The following CUL3 variants were observed in gnomAD, a reference collection of about 807,000 sequenced individuals.
CUL3 encodes the protein cullin 3.
CUL3 carries 19 observed loss-of-function variants against 89.1 expected under a neutral mutation model. The observed-to-expected ratio is 0.21, with a 90% CI of 0.15 to 0.31. The LOEUF is 0.31. Among genes scored for constraint, CUL3 ranks in the 10% least tolerant of loss-of-function variants. CUL3 has a pLI of 1.00. For synonymous variants in CUL3, 351 were observed against 308.4 expected (o/e 1.14, Z -1.45); for missense variants, 469 against 942.3 (o/e 0.50, Z 6.58).
chr2:224,557,293 C>A (rs1383186792), intron 2 of CUL3, among the ~76,000 whole-genome samples: 2 of 151,776 alleles, frequency 1.3e-5, no homozygotes, highest in African/African-American at 4.8e-5. Flanking sequence ...TTTTAAACAA[C>A]GTAGTTTTAT....
At chr2:224,548,064 G>A (rs748483866) in intron 2 of CUL3, among the ~76,000 whole-genome samples, 3 of 152,168 alleles carry the variant, frequency 2.0e-5, no homozygotes, top group Non-Finnish European at 4.4e-5. Flanking sequence ...GGAATTATTT[G>A]TTCTACAAAA....
At chr2:224,531,338 T>C (rs1055448834) in intron 3 of CUL3, among the ~76,000 whole-genome samples, 1 of 152,066 alleles carries the variant, frequency 6.6e-6, no homozygotes, top group African/African-American at 2.4e-5. Context: ...TCCACCCACC[T>C]AGGCCTCCCC....
chr2:224,479,880 T>C (rs1691468967), intron 14 of CUL3: 1 of 152,206 alleles, frequency 6.6e-6, no homozygotes. Flanking sequence ...CATCTGGATG[T>C]GGTCACCTAA....
At position 224,489,463 on chromosome 2, in the gene CUL3, T is replaced by C. The variant is rs543787748; in HGVS notation, c.1842+6369A>G. Among the ~76,000 whole-genome samples the C allele has an allele frequency of 3.1e-4, 47 of 152,242 alleles. 1 individual carries two copies. The highest frequency in any genetic ancestry group is 5.9e-4 in the Admixed American group (9 of 15,290). On this transcript the variant is annotated intron_variant, in intron 13 of 15. Coordinates refer to ENST00000264414, the MANE Select transcript of CUL3 (RefSeq NM_003590.5). ...CACAAGCATTCCTATACACCAATAA[T>C]AGACAAACAGCCAAATCACGAGTGA...
chr2:224,535,460 G>C, intron 3 of CUL3, 68 bp downstream of exon 3: 2 of 1,093,828 alleles, frequency 1.8e-6, no homozygotes, highest in Non-Finnish European at 2.6e-6. Flanking sequence ...GTGAGCCACC[G>C]TGCCCAGCCT....
At chr2:224,493,403 C>G (rs940316) in intron 13 of CUL3, among the ~76,000 whole-genome samples, 1 of 152,068 alleles carries the variant, frequency 6.6e-6, no homozygotes, top group African/African-American at 2.4e-5. Flanking sequence ...AGTAAAGACA[C>G]ATTTCTTGTG....
At chr2:224,503,120 T>C (rs1388355830) in intron 9 of CUL3, 48 bp from the exon 10 acceptor site, 2 of 1,096,448 alleles carry the variant, frequency 1.8e-6, no homozygotes, top group Admixed American at 3.6e-5. Flanking sequence ...TAGATGTTTC[T>C]ATGAGAAAGT....
chr2:224,501,047 G>A (rs1692367456), intron 10 of CUL3, among the ~76,000 whole-genome samples: 1 of 152,050 alleles, frequency 6.6e-6, no homozygotes, highest in African/African-American at 2.4e-5. Context: ...ATAGTTTTTG[G>A]CACATAAATC....
At chr2:224,544,524 TAAAAAA>T (rs55865341) in intron 2 of CUL3, among the ~76,000 whole-genome samples, 30,719 of 151,820 alleles carry the variant, frequency 0.2, 3,355 homozygotes, top group African/African-American at 0.24. Context: ...CAAAAAAAGT[TAAAAAA>T]TAAAAATAAA....
intron 1 of CUL3, among the ~76,000 whole-genome samples, chr2:224,579,855 A>T (rs1184043500): frequency 6.6e-6 from 1 of 152,384 alleles, no homozygotes; most frequent in South Asian, 2.1e-4. Context: ...ACCGTTTGAT[A>T]CAGGAAAGGA....
At chr2:224,523,213 C>T (rs1253464594) in intron 3 of CUL3, among the ~76,000 whole-genome samples, 1 of 152,096 alleles carries the variant, frequency 6.6e-6, no homozygotes, top group Non-Finnish European at 1.5e-5. Context: ...CTAGGTGTGA[C>T]CTTAGTATCT....
chr2:224,475,421 C>G (rs1691282040), intron 15 of CUL3, among the ~76,000 whole-genome samples: 1 of 152,176 alleles, frequency 6.6e-6, no homozygotes, highest in South Asian at 2.1e-4. Context: ...ATAACAGAGC[C>G]AACAGAGATG....
chr2:224,562,905 A>C (rs1574699580), intron 1 of CUL3: 4 of 177,404 alleles, frequency 2.3e-5, no homozygotes, highest in African/African-American at 7.2e-5. Flanking sequence ...TGTTACTCAC[A>C]AGCCATGTGA....
chr2:224,495,634 C>T (rs1692144354), intron 13 of CUL3, 198 bp downstream of exon 13: 1 of 413,520 alleles, frequency 2.4e-6, no homozygotes, highest in Non-Finnish European at 4.3e-6. Flanking sequence ...TATAAAAGTA[C>T]TTCTATAAAG....
At chr2:224,566,563 A>G (rs1392136003) in intron 1 of CUL3, among the ~76,000 whole-genome samples, 3 of 152,144 alleles carry the variant, frequency 2.0e-5, no homozygotes, top group Non-Finnish European at 2.9e-5. Context: ...TTTGTCTCCA[A>G]TGATTTTCTT....
At chr2:224,542,501 GTGTGTGTGTGTGTA>G (rs1294692722) in intron 2 of CUL3, among the ~76,000 whole-genome samples, 2 of 150,826 alleles carry the variant, frequency 1.3e-5, no homozygotes, top group African/African-American at 4.9e-5. Context: ...CTTTTTGTGT[GTGTGTGTGTGTGTA>G]TGTGTGTGTG....
intron 3 of CUL3, among the ~76,000 whole-genome samples, chr2:224,518,000 G>C (rs1022624316): frequency 1.3e-5 from 2 of 151,906 alleles, no homozygotes; most frequent in Non-Finnish European, 2.9e-5. Context: ...CGAATACACA[G>C]GTTTGAAAAA....
At chr2:224,493,383 C>T (rs144251799) in intron 13 of CUL3, among the ~76,000 whole-genome samples, 8 of 152,258 alleles carry the variant, frequency 5.3e-5, no homozygotes, top group Non-Finnish European at 7.4e-5. Context: ...TAGAGAAACA[C>T]GTGGTGTTGA....
rs1691072485 is a variant in CUL3, at chr2:224,470,204, A to G, written c.*4041T>C. On this transcript the variant is annotated 3_prime_UTR_variant, in exon 16 of 16. Transcript: ENST00000264414. ...CATTGCAATAAATCTTGTATGCAAT[A>G]AAGTTTATTAGTTGAACTGTCCTGT... 3 of 204,898 alleles carry G rather than the reference A, an allele frequency of 1.5e-5. No individual in the cohort carries two copies. The highest frequency in any genetic ancestry group is 1.9e-4 in the South Asian group (1 of 5,256). 12.7% of individuals were successfully genotyped at this position (204,898 alleles called of 1,614,324 possible).
Sources: gnomAD v4.1 joint callset for allele counts (sites outside exome capture counted in the v4.1 genomes callset) on GRCh38, gnomAD v4.1.1 for gene constraint, MANE v1.5 for transcripts, NCBI Gene and HGNC (gene_info 2026-07-23, HGNC 2026-07-21) for gene names.